The following LAMA3 variants were observed in gnomAD, a reference collection of about 807,000 sequenced individuals.
LAMA3 encodes laminin subunit alpha 3.
LAMA3 carries 281 observed loss-of-function variants against 402.0 expected under a neutral mutation model. The observed-to-expected ratio is 0.70, with a 90% CI of 0.63 to 0.77. LAMA3 has a LOEUF of 0.77. LAMA3 is among the 30% of genes least tolerant of loss of function. LAMA3 has a pLI of 0.00. For missense variants in LAMA3, 3,840 were observed against 4,215.5 expected, an observed-to-expected ratio of 0.91 and a Z score of 2.47; for synonymous variants, 1,431 against 1,558.4, an observed-to-expected ratio of 0.92 and a Z score of 1.93.
At chr18:23,778,944 G>C (rs957272619) in intron 11 of LAMA3, among the ~76,000 whole-genome samples, 6 of 152,190 alleles carry the variant, frequency 3.9e-5, no homozygotes, top group Non-Finnish European at 8.8e-5. Context: ...AGGAGGTTAG[G>C]GAATGTGAGG....
chr18:23,747,407 A>G (rs2061671408), intron 2 of LAMA3, among the ~76,000 whole-genome samples: 1 of 152,146 alleles, frequency 6.6e-6, no homozygotes, highest in South Asian at 2.1e-4. Flanking sequence ...AGCCAATAAG[A>G]GGGAGAACAA....
intron 2 of LAMA3, among the ~76,000 whole-genome samples, chr18:23,738,793 C>T (rs1442508013): frequency 1.3e-5 from 2 of 152,230 alleles, no homozygotes; most frequent in Admixed American, 6.5e-5. Flanking sequence ...TCTTCAGTGT[C>T]TCTGCCTTTT....
chr18:23,697,862 G>A (rs2145829076), intron 1 of LAMA3, among the ~76,000 whole-genome samples: 1 of 152,118 alleles, frequency 6.6e-6, no homozygotes, highest in African/African-American at 2.4e-5. Context: ...CAGCTCTGGA[G>A]GCTTAGAAGT....
At chr18:23,755,026 T>A (rs1042587286) in intron 6 of LAMA3, among the ~76,000 whole-genome samples, 1 of 152,242 alleles carries the variant, frequency 6.6e-6, no homozygotes, top group African/African-American at 2.4e-5. Context: ...GCAGTGCTGT[T>A]GAGAGAGCTT....
chr18:23,854,517 T>C (rs1298910459), intron 32 of LAMA3, among the ~76,000 whole-genome samples: 3 of 151,758 alleles, frequency 2.0e-5, no homozygotes, highest in African/African-American at 7.3e-5. Context: ...GGCGGGCACC[T>C]GTAGTCCCAG....
intron 19 of LAMA3, among the ~76,000 whole-genome samples, chr18:23,820,800 C>T (rs750221685): frequency 6.6e-6 from 1 of 152,146 alleles, no homozygotes; most frequent in Non-Finnish European, 1.5e-5. Flanking sequence ...GCATCCAAGA[C>T]TGCTGCTTGC....
chr18:23,886,778 T>C (rs1215373565), intron 41 of LAMA3, among the ~76,000 whole-genome samples: 2 of 152,054 alleles, frequency 1.3e-5, no homozygotes, highest in African/African-American at 4.8e-5. Flanking sequence ...TAGACTGGGG[T>C]TATCTGAAAT....
At chr18:23,717,719 A>T (rs2061131199) in intron 2 of LAMA3, among the ~76,000 whole-genome samples, 3 of 116,806 alleles carry the variant, frequency 2.6e-5, no homozygotes, top group African/African-American at 3.9e-5. Context: ...TGCCTGGCTA[A>T]ATTTTTTTTT....
At chr18:23,823,023 A>G (rs2063317032) in intron 20 of LAMA3, among the ~76,000 whole-genome samples, 1 of 152,230 alleles carries the variant, frequency 6.6e-6, no homozygotes, top group Admixed American at 6.5e-5. Context: ...TTACAAGGAC[A>G]CAAAATGGCA....
intron 1 of LAMA3, among the ~76,000 whole-genome samples, chr18:23,690,872 A>ATTATTTGT: frequency 7.3e-6 from 1 of 136,952 alleles, no homozygotes; most frequent in South Asian, 2.4e-4. Context: ...AGGCCTGGCA[A>ATTATTTGT]TTATTTATTT....
intron 23 of LAMA3, among the ~76,000 whole-genome samples, chr18:23,831,778 A>T (rs889291159): frequency 6.6e-6 from 1 of 152,188 alleles, no homozygotes; most frequent in African/African-American, 2.4e-5. Context: ...GACATCAGAC[A>T]TATTAGTTAT....
At chr18:23,706,746 T>C (rs1168152938) in intron 1 of LAMA3, among the ~76,000 whole-genome samples, 1 of 152,230 alleles carries the variant, frequency 6.6e-6, no homozygotes, top group African/African-American at 2.4e-5. Flanking sequence ...TATTGATTCT[T>C]GTGTAATAAA....
intron 44 of LAMA3, among the ~76,000 whole-genome samples, chr18:23,895,502 T>C (rs965382343): frequency 1.3e-5 from 2 of 151,994 alleles, no homozygotes; most frequent in African/African-American, 4.8e-5. Context: ...ATTTGGGCTA[T>C]GTGTTTCTTC....
chr18:23,787,540 G>C (rs1335217438), intron 12 of LAMA3, among the ~76,000 whole-genome samples: 2 of 151,966 alleles, frequency 1.3e-5, no homozygotes, highest in Non-Finnish European at 2.9e-5. Context: ...TTAAAATTTT[G>C]AAAGACAAAG....
chr18:23,730,508 C>T (rs2061376249), intron 2 of LAMA3, among the ~76,000 whole-genome samples: 1 of 151,864 alleles, frequency 6.6e-6, no homozygotes, highest in Non-Finnish European at 1.5e-5. Context: ...GCCGGGATTA[C>T]AGGCACCCAC....
intron 1 of LAMA3, among the ~76,000 whole-genome samples, chr18:23,709,304 C>G (rs1159830252): frequency 6.6e-6 from 1 of 152,130 alleles, no homozygotes; most frequent in Non-Finnish European, 1.5e-5. Flanking sequence ...AACTCCTGGG[C>G]TCAAGCAATC....
intron 62 of LAMA3, among the ~76,000 whole-genome samples, chr18:23,923,737 C>A (rs2081920955): frequency 6.6e-6 from 1 of 152,068 alleles, no homozygotes; most frequent in South Asian, 2.1e-4. Context: ...GTGGGCTTAC[C>A]CAGAGCCAGG....
At position 23,839,874 on chromosome 18, in the gene LAMA3, A is replaced by G; in HGVS notation, c.3281A>G (p.Gln1094Arg). ...LSGRPFPHLP[Q>R]QSSPSVDVLP... is the part of the protein sequence containing the mutation. ...GGCAGGCCTTTCCCTCACCTGCCCCAGCAGTCGTCACCTTCTGTTGATGTT... is the reference window on the plus strand; with the variant it reads ...GGCAGGCCTTTCCCTCACCTGCCCCGGCAGTCGTCACCTTCTGTTGATGTT... The change falls in exon 27 of 75, where the codon CAG (glutamine) becomes CGG (arginine). Residue 1094 changes from glutamine to arginine, a missense_variant. By Grantham distance (43) the Gln-to-Arg change is conservative. Coordinates refer to ENST00000313654, the MANE Select transcript of LAMA3 (RefSeq NM_198129.4). The surrounding 1 kb of genome is among the most constrained non-coding windows in gnomAD (Gnocchi z 4.5). 6.2e-7 allele frequency: 1 copy of G among 1,614,210 alleles called. No individual in the cohort carries two copies. Among genetic ancestry groups the G allele is most frequent in the South Asian group, 1.1e-5 (1 of 91,076 alleles).
At chr18:23,858,117 AT>A in intron 33 of LAMA3, 129 bp downstream of exon 33, 1 of 1,103,974 alleles carries the variant, frequency 9.1e-7, no homozygotes, top group Non-Finnish European at 1.3e-6. Flanking sequence ...TGTATGTAGC[AT>A]TTTATAGTCA....
Sources: gnomAD v4.1 joint callset for allele counts (sites outside exome capture counted in the v4.1 genomes callset) on GRCh38, gnomAD v4.1.1 for gene constraint, Gnocchi (gnomAD v3.1) non-coding constraint, MANE v1.5 for transcripts, NCBI Gene and HGNC (gene_info 2026-07-23, HGNC 2026-07-21) for gene names.